Variants in PRTG observed in about 807,000 individuals in gnomAD.
PRTG encodes immunoglobulin superfamily, DCC subclass, member 5.
Under a neutral mutation model 122.5 loss-of-function variants are expected in PRTG, and 67 were observed. The ratio of observed to expected loss-of-function variants is 0.55; its 90% CI spans 0.45 to 0.67. The LOEUF (loss-of-function observed/expected upper bound fraction) is 0.67, where lower values mean the gene tolerates loss of function less well. Among genes scored for constraint, PRTG ranks in the 30% least tolerant of loss-of-function variants. The pLI is 0.00. For synonymous variants in PRTG, 554 were observed against 501.1 expected, an observed-to-expected ratio of 1.11 and a Z score of -1.41; for missense variants, 1,435 against 1,415.4, an observed-to-expected ratio of 1.01 and a Z score of -0.22.
In PRTG at chr15:55,740,042, A is replaced by C. The variant is rs777540610; in HGVS notation, c.397+340T>G. ...TTGTTTTCATTAATTACTAATTTCC[A>C]TAAGATTAAATTTTAGAACAACTTT... On this transcript the variant is annotated intron_variant, in intron 2 of 19. Transcript: ENST00000389286. Among the ~76,000 whole-genome samples, 56 of 152,244 alleles carry C rather than the reference A, an allele frequency of 3.7e-4. 1 individual carries two copies. Among genetic ancestry groups the C allele is most frequent in the Non-Finnish European group, 1.2e-4 (8 of 68,046 alleles).
intron 11 of PRTG, among the ~76,000 whole-genome samples, chr15:55,644,311 T>C (rs1277363649): frequency 6.6e-6 from 1 of 152,158 alleles, no homozygotes; most frequent in Non-Finnish European, 1.5e-5. Flanking sequence ...TGAATACAGC[T>C]ATTTCACAGA....
At chr15:55,698,674 G>C (rs1006032645) in intron 2 of PRTG, among the ~76,000 whole-genome samples, 1 of 152,130 alleles carries the variant, frequency 6.6e-6, no homozygotes, top group African/African-American at 2.4e-5. Flanking sequence ...GGATTCAGGA[G>C]GCTCCTGGGA....
intron 18 of PRTG, among the ~76,000 whole-genome samples, chr15:55,623,258 G>C (rs1378076715): frequency 6.6e-6 from 1 of 151,400 alleles, no homozygotes; most frequent in African/African-American, 2.4e-5. Context: ...ATTTTTTTTT[G>C]TAAACAACCT....
intron 9 of PRTG, 130 bp from the exon 10 acceptor site, chr15:55,673,806 T>C: frequency 1.4e-6 from 1 of 697,024 alleles, no homozygotes. Flanking sequence ...TAGCAGAGGT[T>C]TTCAGTGAAA....
At chr15:55,709,220 T>TTA (rs1567109694) in intron 2 of PRTG, among the ~76,000 whole-genome samples, 1 of 143,286 alleles carries the variant, frequency 7.0e-6, no homozygotes, top group African/African-American at 2.6e-5. Context: ...TTAGATAGTT[T>TTA]AATTTCTTTA....
intron 2 of PRTG, among the ~76,000 whole-genome samples, chr15:55,730,661 G>T (rs985007863): frequency 6.6e-6 from 1 of 152,098 alleles, no homozygotes; most frequent in South Asian, 2.1e-4. Flanking sequence ...TCAGCCAGGC[G>T]TGGTGGTGGG....
Position 55,619,858 on chromosome 15 carries a change from C to A in PRTG, c.*154G>T. 7.9e-7 allele frequency: 1 copy of A among 1,273,822 alleles called. No individual in the cohort carries two copies. Among genetic ancestry groups the A allele is most frequent in the African/African-American group, 1.5e-5 (1 of 66,922 alleles). 78.9% of individuals were successfully genotyped at this position (1,273,822 alleles called of 1,614,324 possible). On this transcript the variant is annotated 3_prime_UTR_variant, in exon 20 of 20. Transcript: ENST00000389286. The stretch of plus-strand genomic sequence containing the variant: ...AATGGTGAGAATACCTGAGCATGGC[C>A]GTCTAGATTGGAAAATCATTTTTAT...
chr15:55,738,660 C>A (rs2031511278), intron 2 of PRTG: 4 of 485,564 alleles, frequency 8.2e-6, no homozygotes, highest in Non-Finnish European at 1.5e-5. Context: ...TAAAACAGTA[C>A]TATACAGAAA....
Position 55,662,289 on chromosome 15 carries a change from C to T in PRTG, c.2041+10156G>A, listed in dbSNP as rs192818692. ...AGTAAAAGGTATTTCTTCTCTCCGG[C>T]AGCACTGTTATTTTAATATTGTTTG... On this transcript the variant is annotated intron_variant, in intron 11 of 19. Coordinates refer to ENST00000389286, the MANE Select transcript of PRTG (RefSeq NM_173814.6). Among the ~76,000 whole-genome samples the T allele has an allele frequency of 4.6e-5, 7 of 152,254 alleles. No individual in the cohort carries two copies. In the East Asian group the frequency reaches 9.6e-4, roughly 21 times the overall value.
At chr15:55,731,076 A>G (rs181109031) in intron 2 of PRTG, among the ~76,000 whole-genome samples, 15 of 152,196 alleles carry the variant, frequency 9.9e-5, no homozygotes, top group African/African-American at 3.6e-4. Flanking sequence ...GTATCTTAAC[A>G]AGTCTAAACA....
intron 11 of PRTG, among the ~76,000 whole-genome samples, chr15:55,651,354 A>T (rs1344471741): frequency 6.6e-6 from 1 of 152,216 alleles, no homozygotes; most frequent in Admixed American, 6.5e-5. Context: ...ATTAGGTAGT[A>T]AATTAATTTT....
chr15:55,638,705 T>C, intron 13 of PRTG, 29 bp from the exon 14 acceptor site: 1 of 1,601,328 alleles, frequency 6.2e-7, no homozygotes, highest in Non-Finnish European at 8.5e-7. Context: ...AAGTTGTTAA[T>C]GCTGGTAGTA....
At chr15:55,684,439 G>A (rs1279132894) in intron 2 of PRTG, among the ~76,000 whole-genome samples, 1 of 152,120 alleles carries the variant, frequency 6.6e-6, no homozygotes, top group African/African-American at 2.4e-5. Flanking sequence ...AAGCACAGAG[G>A]TAAGAAATGC....
chr15:55,723,135 G>A (rs756112453), intron 2 of PRTG, among the ~76,000 whole-genome samples: 6 of 152,138 alleles, frequency 3.9e-5, no homozygotes, highest in East Asian at 3.9e-4. Flanking sequence ...GAAACCTTGC[G>A]GCATGCCACA....
intron 2 of PRTG, among the ~76,000 whole-genome samples, chr15:55,732,699 G>C (rs2031277986): frequency 6.6e-6 from 1 of 151,892 alleles, no homozygotes; most frequent in Non-Finnish European, 1.5e-5. Flanking sequence ...TCTCCATGTT[G>C]GTCAGGCTGG....
chr15:55,735,118 A>G (rs2031367848), intron 2 of PRTG, among the ~76,000 whole-genome samples: 1 of 152,206 alleles, frequency 6.6e-6, no homozygotes, highest in Non-Finnish European at 1.5e-5. Context: ...AAGTATTAAA[A>G]TAGTCTTGAC....
chr15:55,683,955 T>C lies in PRTG; in HGVS notation c.398-24A>G, dbSNP rs754526427. The stretch of plus-strand genomic sequence containing the variant: ...AGCTATAAGATAAAGTTTGAGAAAT[T>C]CAGAATAAGTGCATGAAAATAACAC... On this transcript the variant is annotated intron_variant, in intron 2 of 19. Coordinates refer to ENST00000389286, the MANE Select transcript of PRTG (RefSeq NM_173814.6). The C allele has an allele frequency of 3.6e-5, 58 of 1,599,066 alleles. No homozygotes were observed. In the Admixed American group the frequency reaches 3.7e-4, roughly 10 times the overall value.
intron 2 of PRTG, among the ~76,000 whole-genome samples, chr15:55,711,931 TA>T (rs1427127960): frequency 1.3e-5 from 2 of 151,806 alleles, no homozygotes; most frequent in Non-Finnish European, 2.9e-5. Context: ...TGGATGTAAA[TA>T]AAAAAAAGTT....
intron 11 of PRTG, among the ~76,000 whole-genome samples, chr15:55,657,094 A>C (rs1257819776): frequency 6.6e-6 from 1 of 152,262 alleles, no homozygotes; most frequent in East Asian, 1.9e-4. Flanking sequence ...GAATGAGGCC[A>C]TATAAGTACA....
Sources: allele counts gnomAD v4.1 joint callset (sites outside exome capture counted in the v4.1 genomes callset), GRCh38; gene constraint gnomAD v4.1.1; transcripts MANE v1.5; gene names NCBI Gene and HGNC (gene_info 2026-07-23, HGNC 2026-07-21).